Variants in ZNF536 observed in about 807,000 individuals in gnomAD.
The protein encoded by ZNF536 is zinc finger protein 536.
A neutral mutation model predicts 84.5 loss-of-function variants in ZNF536; 13 were observed. The ratio of observed to expected loss-of-function variants is 0.15; its 90% CI spans 0.10 to 0.24. The LOEUF (loss-of-function observed/expected upper bound fraction) is 0.24. Among genes scored for constraint, ZNF536 ranks in the 10% least tolerant of loss-of-function variants. The pLI is 1.00. For missense variants in ZNF536, 1,536 were observed against 1,747.5 expected (o/e 0.88, Z 2.16); for synonymous variants, 811 against 742.5 (o/e 1.09, Z -1.50).
intron 2 of ZNF536, among the ~76,000 whole-genome samples, chr19:30,340,589 C>T (rs898775133): frequency 1.4e-4 from 21 of 152,306 alleles, no homozygotes; most frequent in Admixed American, 2.6e-4. Context: ...CAGGCACCTT[C>T]GCATCCCCGT....
intron 1 of ZNF536, among the ~76,000 whole-genome samples, chr19:30,443,048 T>G (rs954084524): frequency 6.7e-5 from 10 of 150,322 alleles, no homozygotes; most frequent in African/African-American, 2.2e-4. Context: ...TGTTTGTTTT[T>G]TTTTTTTTTT....
chr19:30,597,698 C>CA (rs1320724685), intron 1 of ZNF536, among the ~76,000 whole-genome samples: 5 of 152,064 alleles, frequency 3.3e-5, no homozygotes, highest in African/African-American at 1.2e-4. Flanking sequence ...AGTAAGCGCT[C>CA]AGTAATATAG....
At chr19:30,635,741 A>T (rs1028953910) in intron 1 of ZNF536, among the ~76,000 whole-genome samples, 1 of 152,204 alleles carries the variant, frequency 6.6e-6, no homozygotes, top group Non-Finnish European at 1.5e-5. Flanking sequence ...TGTAAAGAGG[A>T]GTTCCGGACT....
intron 2 of ZNF536, among the ~76,000 whole-genome samples, chr19:30,514,213 T>A (rs2055538713): frequency 6.6e-6 from 1 of 152,162 alleles, no homozygotes; most frequent in Non-Finnish European, 1.5e-5. Flanking sequence ...CTCCATAGAT[T>A]ATTCAATTGA....
intron 1 of ZNF536, among the ~76,000 whole-genome samples, chr19:30,688,261 T>C (rs2051275668): frequency 6.6e-6 from 1 of 152,220 alleles, no homozygotes; most frequent in Non-Finnish European, 1.5e-5. Context: ...TCCCAGCACC[T>C]GAGCCTCGAT....
Position 30,533,694 on chromosome 19 carries a change from C to G in ZNF536, c.2171-1153C>G, listed in dbSNP as rs150511744. 2.5e-3 allele frequency among the ~76,000 whole-genome samples: 381 copies of G among 152,294 alleles called. 5 individuals are homozygous for G. The highest frequency in any genetic ancestry group is 8.5e-3 in the African/African-American group (355 of 41,572). ...CTTATTTATTGTGATCTCTGCAGAA[C>G]CCGCAGATCTCATTATCCCAGAAGG... On this transcript the variant is annotated intron_variant, in intron 2 of 4. Transcript: ENST00000355537.
At chr19:30,531,604 C>T (rs376730279) in intron 2 of ZNF536, among the ~76,000 whole-genome samples, 22 of 152,188 alleles carry the variant, frequency 1.4e-4, no homozygotes, top group African/African-American at 4.8e-4. Flanking sequence ...CCCTACCTCC[C>T]CTGCCCTTGG....
intron 3 of ZNF536, among the ~76,000 whole-genome samples, chr19:30,364,583 C>T (rs557334512): frequency 1.3e-5 from 2 of 152,246 alleles, no homozygotes; most frequent in East Asian, 1.9e-4. Context: ...GCCTTTCTCT[C>T]GATTGAGGCT....
intron 1 of ZNF536, among the ~76,000 whole-genome samples, chr19:30,568,292 T>C (rs1003983863): frequency 1.2e-4 from 18 of 152,172 alleles, no homozygotes; most frequent in African/African-American, 4.1e-4. Context: ...TACCCAGAGG[T>C]TGGGAGTTTC....
intron 1 of ZNF536, among the ~76,000 whole-genome samples, chr19:30,676,101 T>A (rs2050744371): frequency 6.6e-6 from 1 of 152,272 alleles, no homozygotes; most frequent in East Asian, 1.9e-4. Flanking sequence ...GGTCAAGAGA[T>A]CCTCCCTTCT....
intron 2 of ZNF536, among the ~76,000 whole-genome samples, chr19:30,493,095 T>TA (rs2054573801): frequency 3.4e-5 from 5 of 145,118 alleles, no homozygotes; most frequent in African/African-American, 1.0e-4. Flanking sequence ...CTCACTTTTT[T>TA]TTTTTTTTTT....
At chr19:30,659,723 C>A (rs2050049354) in intron 1 of ZNF536, among the ~76,000 whole-genome samples, 1 of 151,596 alleles carries the variant, frequency 6.6e-6, no homozygotes, top group African/African-American at 2.4e-5. Flanking sequence ...GAAACAGCCC[C>A]CATGATACAA....
At chr19:30,273,059 C>A (rs2025940918) in intron 1 of ZNF536, among the ~76,000 whole-genome samples, 1 of 152,182 alleles carries the variant, frequency 6.6e-6, no homozygotes, top group African/African-American at 2.4e-5. Context: ...TGCACCACCA[C>A]ACCTGGCTAA....
At chr19:30,469,928 A>G (rs2053563361) in intron 2 of ZNF536, among the ~76,000 whole-genome samples, 2 of 152,214 alleles carry the variant, frequency 1.3e-5, no homozygotes, top group South Asian at 4.1e-4. Flanking sequence ...ACTGCTAGAA[A>G]CATAATATTT....
At chr19:30,573,707 G>A (rs1174670640) in intron 1 of ZNF536, among the ~76,000 whole-genome samples, 2 of 152,276 alleles carry the variant, frequency 1.3e-5, no homozygotes, top group African/African-American at 4.8e-5. Context: ...GCAGGAGCTC[G>A]TCAGGACTTT....
At chr19:30,240,693 G>T (rs944686719) in intron 1 of ZNF536, among the ~76,000 whole-genome samples, 1 of 152,186 alleles carries the variant, frequency 6.6e-6, no homozygotes, top group Non-Finnish European at 1.5e-5. Context: ...AGCATTGCTA[G>T]CAGGCCATAT....
chr19:30,704,188 C>T (rs78691812), intron 1 of ZNF536, among the ~76,000 whole-genome samples: 3,852 of 152,296 alleles, frequency 0.025, 73 homozygotes, highest in Non-Finnish European at 0.041. Context: ...TCTTCAGTTC[C>T]GCCACAATGG....
intron 2 of ZNF536, among the ~76,000 whole-genome samples, chr19:30,469,213 G>T (rs544827556): frequency 1.3e-5 from 2 of 152,292 alleles, no homozygotes; most frequent in East Asian, 3.9e-4. Flanking sequence ...AGGAGGTCGA[G>T]ACCATCCTGG....
intron 1 of ZNF536, among the ~76,000 whole-genome samples, chr19:30,282,250 G>A (rs1299803457): frequency 6.6e-6 from 1 of 152,262 alleles, no homozygotes; most frequent in African/African-American, 2.4e-5. Context: ...CTACTGGCGT[G>A]TTGGGCTAAC....
Sources: gnomAD v4.1 joint callset for allele counts (sites outside exome capture counted in the v4.1 genomes callset) on GRCh38, gnomAD v4.1.1 for gene constraint, MANE v1.5 for transcripts, NCBI Gene and HGNC (gene_info 2026-07-23, HGNC 2026-07-21) for gene names.